Variants in TAFA1 observed in about 807,000 individuals in gnomAD.
TAFA1 encodes TAFA chemokine like family member 1.
TAFA1 carries 4 observed loss-of-function variants against 18.5 expected under a neutral mutation model. The ratio of observed to expected loss-of-function variants is 0.22; its 90% CI spans 0.11 to 0.49. TAFA1 has a LOEUF of 0.49. Ranked by LOEUF, TAFA1 falls within the 20% of genes least tolerant of loss-of-function variation. The pLI is 0.98. For missense variants in TAFA1, 147 were observed against 169.0 expected (o/e 0.87, Z 0.72); for synonymous variants, 56 against 55.2 (o/e 1.01, Z -0.06).
intron 3 of TAFA1, among the ~76,000 whole-genome samples, chr3:68,517,589 T>A (rs1434392654): frequency 6.6e-6 from 1 of 152,138 alleles, no homozygotes; most frequent in Non-Finnish European, 1.5e-5. Context: ...ATCTGATAGA[T>A]TTCTGTACTG....
At chr3:68,191,224 G>T (rs913119375) in intron 2 of TAFA1, among the ~76,000 whole-genome samples, 1 of 151,466 alleles carries the variant, frequency 6.6e-6, no homozygotes, top group East Asian at 2.0e-4. Flanking sequence ...TTTTTTCTTT[G>T]TGGTACTTTT....
intron 2 of TAFA1, among the ~76,000 whole-genome samples, chr3:68,400,610 C>A (rs1470294097): frequency 6.6e-6 from 1 of 152,180 alleles, no homozygotes; most frequent in Non-Finnish European, 1.5e-5. Flanking sequence ...CCTCTCTAAA[C>A]AATCAGATTC....
At chr3:68,109,334 G>T (rs1388861637) in intron 2 of TAFA1, among the ~76,000 whole-genome samples, 2 of 152,122 alleles carry the variant, frequency 1.3e-5, no homozygotes, top group Admixed American at 6.6e-5. Flanking sequence ...TTTCAGCAAT[G>T]TGGCATCATT....
intron 2 of TAFA1, among the ~76,000 whole-genome samples, chr3:68,401,880 T>A (rs1354936630): frequency 6.6e-6 from 1 of 152,190 alleles, no homozygotes; most frequent in African/African-American, 2.4e-5. Context: ...CAGTCTTCAG[T>A]AAAAGTAGGA....
At chr3:68,508,999 C>A (rs1511891) in intron 3 of TAFA1, among the ~76,000 whole-genome samples, 122,395 of 151,930 alleles carry the variant, frequency 0.81, 49,717 homozygotes, top group African/African-American at 0.91. Context: ...GCCAAGAGTC[C>A]AATTCTGGTC....
At chr3:68,508,984 A>G (rs929923045) in intron 3 of TAFA1, among the ~76,000 whole-genome samples, 3 of 152,062 alleles carry the variant, frequency 2.0e-5, no homozygotes, top group African/African-American at 7.2e-5. Context: ...AGAAACAGCA[A>G]TGAGGCCAAG....
chr3:68,227,490 GTCCATCCTC>G, intron 2 of TAFA1, among the ~76,000 whole-genome samples: 1 of 152,296 alleles, frequency 6.6e-6, no homozygotes, highest in Admixed American at 6.5e-5. Context: ...GACATCCTAT[GTCCATCCTC>G]TAGGTAAACC....
intron 2 of TAFA1, among the ~76,000 whole-genome samples, chr3:68,154,007 T>TA (rs1216549392): frequency 6.6e-6 from 1 of 152,114 alleles, no homozygotes; most frequent in Non-Finnish European, 1.5e-5. Context: ...TTAGTAAGAG[T>TA]AATTAATGCT....
intron 2 of TAFA1, among the ~76,000 whole-genome samples, chr3:68,384,541 G>T (rs1229167464): frequency 2.0e-5 from 3 of 151,862 alleles, no homozygotes; most frequent in African/African-American, 7.3e-5. Context: ...TGTTTATTGT[G>T]GTTTCAGTTC....
At chr3:68,248,290 G>A (rs1399725131) in intron 2 of TAFA1, among the ~76,000 whole-genome samples, 1 of 152,132 alleles carries the variant, frequency 6.6e-6, no homozygotes, top group Non-Finnish European at 1.5e-5. Flanking sequence ...ATTTTATAAT[G>A]CAAGAAATCC....
At chr3:68,541,182 G>T (rs1441744100) in intron 4 of TAFA1, among the ~76,000 whole-genome samples, 1 of 152,190 alleles carries the variant, frequency 6.6e-6, no homozygotes, top group East Asian at 1.9e-4. Flanking sequence ...CTTAGAAAAG[G>T]AAAGAGAAGA....
chr3:68,200,461 C>G (rs2066457910), intron 2 of TAFA1, among the ~76,000 whole-genome samples: 1 of 151,544 alleles, frequency 6.6e-6, no homozygotes, highest in Non-Finnish European at 1.5e-5. Context: ...CCATTGAAGC[C>G]TGGTGCTTTC....
chr3:68,102,336 A>G (rs761377352), intron 2 of TAFA1, among the ~76,000 whole-genome samples: 10 of 152,202 alleles, frequency 6.6e-5, no homozygotes, highest in Non-Finnish European at 1.5e-4. Flanking sequence ...CTACTTTTTT[A>G]CTACCATTTA....
chr3:68,335,000 G>A (rs972407870), intron 2 of TAFA1, among the ~76,000 whole-genome samples: 2 of 152,186 alleles, frequency 1.3e-5, no homozygotes, highest in African/African-American at 4.8e-5. Flanking sequence ...ATATTCTGAA[G>A]CAGAGCAGAA....
At chr3:68,455,009 T>C (rs186029504) in intron 3 of TAFA1, among the ~76,000 whole-genome samples, 21 of 152,306 alleles carry the variant, frequency 1.4e-4, no homozygotes, top group Middle Eastern at 3.4e-3. Flanking sequence ...GGAAGCTTCA[T>C]TGATAACATA....
chr3:68,235,202 A>G (rs1165860243), intron 2 of TAFA1, among the ~76,000 whole-genome samples: 2 of 152,176 alleles, frequency 1.3e-5, no homozygotes, highest in African/African-American at 4.8e-5. Flanking sequence ...TTAGGTAGAA[A>G]TCTTATTTTA....
At chr3:68,007,276 CCT>C (rs768762511) in intron 2 of TAFA1, among the ~76,000 whole-genome samples, 1 of 152,236 alleles carries the variant, frequency 6.6e-6, no homozygotes, top group African/African-American at 2.4e-5. Context: ...GGCATTTTTC[CCT>C]CTCTTTTGGC....
At chr3:68,397,908 C>T (rs2106736356) in intron 2 of TAFA1, among the ~76,000 whole-genome samples, 1 of 152,238 alleles carries the variant, frequency 6.6e-6, no homozygotes, top group South Asian at 2.1e-4. Flanking sequence ...TCTTTTGTTA[C>T]AATTGCTTTT....
At chr3:68,039,986 C>G (rs1291895411) in intron 2 of TAFA1, among the ~76,000 whole-genome samples, 1 of 152,148 alleles carries the variant, frequency 6.6e-6, no homozygotes, top group African/African-American at 2.4e-5. Flanking sequence ...CCAAACACAT[C>G]CCTGCATTTA....
Sources: allele counts gnomAD v4.1 joint callset (sites outside exome capture counted in the v4.1 genomes callset), GRCh38; gene constraint gnomAD v4.1.1; transcripts MANE v1.5; gene names NCBI Gene and HGNC (gene_info 2026-07-23, HGNC 2026-07-21).